Variants in PDE10A observed in about 807,000 individuals in gnomAD.
PDE10A encodes cAMP and cAMP-inhibited cGMP 3',5'-cyclic phosphodiesterase 10A.
A neutral mutation model predicts 97.7 loss-of-function variants in PDE10A; 39 were observed. The ratio of observed to expected loss-of-function variants is 0.40; its 90% confidence interval spans 0.31 to 0.52. PDE10A has a LOEUF of 0.52. Ranked by LOEUF, PDE10A falls within the 20% of genes least tolerant of loss-of-function variation. The pLI is 0.56. For synonymous variants in PDE10A, 371 were observed against 376.8 expected (o/e 0.98, Z 0.18); for missense variants, 731 against 1,047.8 (o/e 0.70, Z 4.17).
At chr6:165,589,214 C>T (rs1786101413) in intron 1 of PDE10A, among the ~76,000 whole-genome samples, 1 of 152,070 alleles carries the variant, frequency 6.6e-6, no homozygotes, top group South Asian at 2.1e-4. Flanking sequence ...AAGCAAGGTA[C>T]AGGGGAAAAG....
chr6:165,364,243 TTA>T (rs1452636916), intron 18 of PDE10A, among the ~76,000 whole-genome samples: 1 of 152,172 alleles, frequency 6.6e-6, no homozygotes, highest in African/African-American at 2.4e-5. Flanking sequence ...AGGAAGGTGA[TTA>T]TGTCATGAGG....
chr6:165,920,634 A>AT (rs1470889340), intron 1 of PDE10A, among the ~76,000 whole-genome samples: 1 of 151,872 alleles, frequency 6.6e-6, no homozygotes, highest in Non-Finnish European at 1.5e-5. Flanking sequence ...GCCATACTTA[A>AT]CTCTTCTATT....
chr6:165,651,011 T>C (rs1332466891), intron 1 of PDE10A, among the ~76,000 whole-genome samples: 3 of 152,328 alleles, frequency 2.0e-5, no homozygotes, highest in South Asian at 4.1e-4. Flanking sequence ...GCTGGGATTA[T>C]AGGCGTGAGC....
At chr6:165,458,829 A>G (rs1409223090) in intron 3 of PDE10A, among the ~76,000 whole-genome samples, 1 of 152,172 alleles carries the variant, frequency 6.6e-6, no homozygotes, top group East Asian at 1.9e-4. Flanking sequence ...CATGATCAGA[A>G]AATTTAACGT....
chr6:165,735,239 G>A (rs772912831), intron 1 of PDE10A, among the ~76,000 whole-genome samples: 19 of 151,980 alleles, frequency 1.3e-4, no homozygotes, highest in Non-Finnish European at 2.5e-4. Flanking sequence ...AGACAGGTGG[G>A]TGGGTAGGTA....
chr6:165,494,517 C>CATATATATAT (rs112000837), intron 2 of PDE10A, among the ~76,000 whole-genome samples: 2 of 141,926 alleles, frequency 1.4e-5, no homozygotes, highest in African/African-American at 5.2e-5. Context: ...ATGGTGTGTG[C>CATATATATAT]ATATATATAT....
At position 165,819,744 on chromosome 6, in the gene PDE10A, G is replaced by A. The variant is rs1779517433; in HGVS notation, c.-615+167785C>T. Reference sequence around the variant, plus strand: ...GCCCTCCCGCTGTGAGCACATTCCGGCCAGGATCTGAAACCTACTGCAGTG... The same window carrying A: ...GCCCTCCCGCTGTGAGCACATTCCGACCAGGATCTGAAACCTACTGCAGTG... On this transcript the variant is annotated intron_variant, in intron 1 of 19. Transcript: ENST00000366882. This position sits in a 1 kb window ranked among gnomAD's most constrained non-coding sequence, Gnocchi z 4.2. Among the ~76,000 whole-genome samples the A allele has an allele frequency of 6.6e-6, 1 of 152,132 alleles. No homozygotes were observed. Among genetic ancestry groups the A allele is most frequent in the African/African-American group, 2.4e-5 (1 of 41,424 alleles).
chr6:165,713,863 AG>A (rs1422288602), intron 1 of PDE10A, among the ~76,000 whole-genome samples: 4 of 152,228 alleles, frequency 2.6e-5, no homozygotes, highest in Admixed American at 6.5e-5. Context: ...ATAATTTCTA[AG>A]TCCTATGTAT....
At chr6:165,752,269 G>C (rs925616824) in intron 1 of PDE10A, among the ~76,000 whole-genome samples, 24 of 151,688 alleles carry the variant, frequency 1.6e-4, no homozygotes, top group Non-Finnish European at 7.4e-5. Flanking sequence ...TCCAATAAAA[G>C]ACTGCTGTCT....
intron 1 of PDE10A, among the ~76,000 whole-genome samples, chr6:165,938,515 G>C (rs952649339): frequency 6.6e-6 from 1 of 152,124 alleles, no homozygotes; most frequent in Non-Finnish European, 1.5e-5. Context: ...AACTGAGGGC[G>C]CCAAGGGACC....
chr6:165,906,003 CCTTCCTTCCT>C (rs1782256002), intron 1 of PDE10A, among the ~76,000 whole-genome samples: 1 of 55,660 alleles, frequency 1.8e-5, no homozygotes, highest in Non-Finnish European at 3.4e-5. Context: ...TTCCTTCCTT[CCTTCCTTCCT>C]TCCCTCCCTC....
chr6:165,372,546 GAACGACA>G (rs1784327891), intron 18 of PDE10A, among the ~76,000 whole-genome samples: 2 of 147,406 alleles, frequency 1.4e-5, no homozygotes, highest in African/African-American at 5.2e-5. Context: ...TCTTCAAGGA[GAACGACA>G]AACCACTGCT....
chr6:165,754,675 A>G (rs1793078491), intron 1 of PDE10A, among the ~76,000 whole-genome samples: 2 of 152,176 alleles, frequency 1.3e-5, no homozygotes, highest in South Asian at 4.1e-4. Flanking sequence ...TCAGAGAGCT[A>G]CAACTCTACT....
At chr6:165,336,279 TTTC>T in intron 20 of PDE10A, 68 bp from the exon 21 acceptor site, 1 of 1,048,872 alleles carries the variant, frequency 9.5e-7, no homozygotes, top group Non-Finnish European at 1.5e-6. Context: ...GATATTTATA[TTTC>T]TTAAGTGACT....
At chr6:165,343,952 T>C (rs1182664994) in intron 18 of PDE10A, among the ~76,000 whole-genome samples, 1 of 152,214 alleles carries the variant, frequency 6.6e-6, no homozygotes, top group Non-Finnish European at 1.5e-5. Flanking sequence ...ATGACTTTTC[T>C]AAAGGGACAG....
chr6:165,821,977 C>T (rs906869784), intron 1 of PDE10A, among the ~76,000 whole-genome samples: 4 of 152,104 alleles, frequency 2.6e-5, no homozygotes, highest in African/African-American at 9.7e-5. Flanking sequence ...GTCGTGGCAT[C>T]GTCAGCCCTG....
intron 1 of PDE10A, among the ~76,000 whole-genome samples, chr6:165,929,215 A>T (rs1783046253): frequency 6.6e-6 from 1 of 152,170 alleles, no homozygotes; most frequent in South Asian, 2.1e-4. Flanking sequence ...AGAAAAACAA[A>T]AGAACTAAAA....
At chr6:165,911,272 A>G (rs148125128) in intron 1 of PDE10A, among the ~76,000 whole-genome samples, 1 of 152,370 alleles carries the variant, frequency 6.6e-6, no homozygotes, top group Non-Finnish European at 1.5e-5. Context: ...GTAATGGAGA[A>G]CATTAAAAAC....
At chr6:165,846,674 T>C (rs530443225) in intron 1 of PDE10A, among the ~76,000 whole-genome samples, 24 of 152,332 alleles carry the variant, frequency 1.6e-4, no homozygotes, top group African/African-American at 5.5e-4. Context: ...GTTTCTCCTT[T>C]AAGCGGTTTG....
Sources: allele counts gnomAD v4.1 joint callset (sites outside exome capture counted in the v4.1 genomes callset), GRCh38; gene constraint gnomAD v4.1.1; non-coding constraint Gnocchi (gnomAD v3.1); transcripts MANE v1.5; gene names NCBI Gene and HGNC (gene_info 2026-07-23, HGNC 2026-07-21).